The following RGS7 variants were observed in gnomAD, a reference collection of about 807,000 sequenced individuals.
RGS7 encodes the protein regulator of G protein signaling 7, also known as regulator of G-protein signaling 7.
In RGS7, 27 loss-of-function variants were observed where a neutral mutation model predicts 81.1. That is an observed-to-expected ratio of 0.33 (90% confidence interval 0.25 to 0.46). The LOEUF is 0.46. RGS7 is among the 20% of genes least tolerant of loss of function. The pLI is 1.00. For missense variants in RGS7, 396 were observed against 607.4 expected, an observed-to-expected ratio of 0.65 and a Z score of 3.66; for synonymous variants, 208 against 207.7, an observed-to-expected ratio of 1.00 and a Z score of -0.01.
rs145988480 is a variant in RGS7 at position 241,007,776 on chromosome 1, C to T, written c.176-24647G>A. On this transcript the variant is annotated intron_variant, in intron 3 of 18. Transcript: ENST00000440928. ...CTACTATAAGAAATGAGAGAGGCTGCTGGCAAGGAATTAGTAAAAGGTTTG... is the reference window on the plus strand; with the variant it reads ...CTACTATAAGAAATGAGAGAGGCTGTTGGCAAGGAATTAGTAAAAGGTTTG... Among the ~76,000 whole-genome samples, 37 of 152,286 alleles carry T rather than the reference C, an allele frequency of 2.4e-4. No homozygotes were observed. The East Asian group carries it at 3.7e-3, about 15-fold the overall frequency.
chr1:240,934,072 T>C (rs543371754), intron 5 of RGS7, among the ~76,000 whole-genome samples: 5 of 152,170 alleles, frequency 3.3e-5, no homozygotes, highest in Non-Finnish European at 7.3e-5. Flanking sequence ...CAAGCAATTC[T>C]CCTGCCTCAG....
intron 2 of RGS7, among the ~76,000 whole-genome samples, chr1:241,191,412 T>C (rs1421417215): frequency 3.9e-5 from 6 of 152,236 alleles, no homozygotes; most frequent in African/African-American, 4.8e-5. Context: ...ATTAAACACA[T>C]TGACTGATTT....
intron 3 of RGS7, among the ~76,000 whole-genome samples, chr1:241,098,258 G>A (rs2064440729): frequency 6.6e-6 from 1 of 152,162 alleles, no homozygotes; most frequent in Non-Finnish European, 1.5e-5. Context: ...GAGCGAGTAT[G>A]GCTCTTCCTC....
At chr1:240,813,508 G>A in intron 13 of RGS7, 110 bp downstream of exon 13, 1 of 736,628 alleles carries the variant, frequency 1.4e-6, no homozygotes, top group Non-Finnish European at 2.5e-6. Context: ...GGCCAATGTA[G>A]ATAAAGAACA....
At chr1:240,803,116 A>G in intron 15 of RGS7, 123 bp from the exon 16 acceptor site, 1 of 713,538 alleles carries the variant, frequency 1.4e-6, no homozygotes, top group East Asian at 2.6e-5. Context: ...AACAATGCTG[A>G]TTAGAATACC....
chr1:241,122,469 C>T (rs1019431034), intron 2 of RGS7, among the ~76,000 whole-genome samples: 3 of 152,086 alleles, frequency 2.0e-5, no homozygotes, highest in Non-Finnish European at 4.4e-5. Flanking sequence ...TTGAGACCAG[C>T]TTGACTAACA....
chr1:240,837,013 C>A (rs573667894), intron 9 of RGS7, among the ~76,000 whole-genome samples: 7 of 152,324 alleles, frequency 4.6e-5, no homozygotes, highest in Non-Finnish European at 1.0e-4. Flanking sequence ...AATTGCCTTG[C>A]AGGTACCATT....
chr1:241,100,306 C>T (rs1045914280), intron 2 of RGS7, among the ~76,000 whole-genome samples: 5 of 138,246 alleles, frequency 3.6e-5, no homozygotes, highest in Non-Finnish European at 6.0e-5. Context: ...ACCCAGGAGG[C>T]AGAGCTTGCA....
chr1:240,776,277 T>C, intron 18 of RGS7, 64 bp from the exon 19 acceptor site: 1 of 1,177,960 alleles, frequency 8.5e-7, no homozygotes, highest in Non-Finnish European at 1.3e-6. Flanking sequence ...AAAACCTGCT[T>C]AGTAGTAGCA....
At chr1:241,308,495 GCAAA>G (rs915495127) in intron 2 of RGS7, among the ~76,000 whole-genome samples, 2 of 152,208 alleles carry the variant, frequency 1.3e-5, no homozygotes, top group African/African-American at 4.8e-5. Flanking sequence ...GAGAACCAGA[GCAAA>G]CAGTCTTTTA....
At chr1:241,349,452 C>G (rs1457524230) in intron 2 of RGS7, among the ~76,000 whole-genome samples, 1 of 152,136 alleles carries the variant, frequency 6.6e-6, no homozygotes, top group Non-Finnish European at 1.5e-5. Flanking sequence ...GCCACTCAGC[C>G]AAAATATTTT....
chr1:241,084,790 T>C (rs753338334), intron 3 of RGS7, among the ~76,000 whole-genome samples: 11 of 152,158 alleles, frequency 7.2e-5, no homozygotes, highest in Non-Finnish European at 1.6e-4. Context: ...CCTAAACTAA[T>C]GAAAAATACA....
At chr1:240,777,042 C>G (rs1202237065) in intron 18 of RGS7, among the ~76,000 whole-genome samples, 1 of 152,164 alleles carries the variant, frequency 6.6e-6, no homozygotes, top group Non-Finnish European at 1.5e-5. Context: ...CGCCTGTAAT[C>G]CCAGCATTTT....
intron 3 of RGS7, among the ~76,000 whole-genome samples, chr1:241,022,008 T>C (rs1450795168): frequency 6.6e-6 from 1 of 152,208 alleles, no homozygotes; most frequent in Non-Finnish European, 1.5e-5. Context: ...ACTGCATGTT[T>C]AGCTGTGCGG....
At chr1:240,780,387 G>A (rs1250331666) in intron 18 of RGS7, among the ~76,000 whole-genome samples, 1 of 140,146 alleles carries the variant, frequency 7.1e-6, no homozygotes, top group African/African-American at 2.7e-5. Flanking sequence ...GTTGCAGTGA[G>A]CCAAGATAGG....
intron 18 of RGS7, among the ~76,000 whole-genome samples, chr1:240,799,787 C>G (rs923293337): frequency 1.3e-5 from 2 of 152,166 alleles, no homozygotes; most frequent in African/African-American, 4.8e-5. Flanking sequence ...CAAGACATAG[C>G]ACATGGTTTA....
chr1:241,329,439 T>C (rs114017306), intron 2 of RGS7, among the ~76,000 whole-genome samples: 4,177 of 152,274 alleles, frequency 0.027, 134 homozygotes, highest in African/African-American at 0.081. Flanking sequence ...AGCCCAGTTA[T>C]ACTGCCTGGG....
chr1:240,918,032 A>G (rs907213344), intron 6 of RGS7, among the ~76,000 whole-genome samples: 3 of 152,218 alleles, frequency 2.0e-5, no homozygotes, highest in Non-Finnish European at 4.4e-5. Context: ...TAACAACAGA[A>G]GGTTCAATTC....
intron 2 of RGS7, among the ~76,000 whole-genome samples, chr1:241,259,326 A>G (rs1326358710): frequency 1.3e-5 from 2 of 152,072 alleles, no homozygotes; most frequent in African/African-American, 4.8e-5. Context: ...TATAAGGGCC[A>G]AAAAGACACC....
Sources: gnomAD v4.1 joint callset for allele counts (sites outside exome capture counted in the v4.1 genomes callset) on GRCh38, gnomAD v4.1.1 for gene constraint, MANE v1.5 for transcripts, NCBI Gene and HGNC (gene_info 2026-07-23, HGNC 2026-07-21) for gene names.